Variants in TTC8 observed in about 807,000 individuals in gnomAD.
TTC8 encodes the protein tetratricopeptide repeat domain 8.
Under a neutral mutation model 72.5 loss-of-function variants are expected in TTC8, and 47 were observed. That is an observed-to-expected ratio of 0.65 (90% CI 0.51 to 0.83). TTC8 has a LOEUF of 0.83. Ranked by LOEUF, TTC8 falls within the 40% of genes least tolerant of loss-of-function variation. TTC8 has a pLI of 0.00. For synonymous variants in TTC8, 199 were observed against 221.4 expected (o/e 0.90, Z 0.90); for missense variants, 611 against 623.2 (o/e 0.98, Z 0.21).
At chr14:88,878,218 C>A (rs1238313215), downstream of TTC8, 1 of 152,114 alleles carries the variant, frequency 6.6e-6, no homozygotes, top group Admixed American at 6.6e-5. Context: ...TCTGGTCAGC[C>A]ACAGCACGGA....
intron 10 of TTC8, among the ~76,000 whole-genome samples, chr14:88,866,605 C>T (rs2094910896): frequency 6.6e-6 from 1 of 151,986 alleles, no homozygotes; most frequent in Admixed American, 6.6e-5. Flanking sequence ...TTGACTATAC[C>T]GCCCCCCTTT....
chr14:88,833,861 G>T, intron 2 of TTC8, 139 bp downstream of exon 2: 1 of 734,054 alleles, frequency 1.4e-6, no homozygotes. Flanking sequence ...GACATTCTGT[G>T]CCTTCTTATG....
At chr14:88,824,900 G>A in intron 1 of TTC8, 79 bp downstream of exon 1, 4 of 1,344,164 alleles carry the variant, frequency 3.0e-6, no homozygotes, top group Non-Finnish European at 4.2e-6. Context: ...CCCCGGGTTG[G>A]GAGGCCGGGG....
chr14:88,842,011 C>CA (rs2094784059), intron 6 of TTC8, among the ~76,000 whole-genome samples: 1 of 151,886 alleles, frequency 6.6e-6, no homozygotes, highest in African/African-American at 2.4e-5. Flanking sequence ...TATCACTACT[C>CA]AAAGATTAAA....
At chr14:88,846,493 G>C (rs1408779226) in intron 7 of TTC8, 3 of 581,448 alleles carry the variant, frequency 5.2e-6, no homozygotes, top group Admixed American at 3.2e-5. Context: ...GGCCAGTGTG[G>C]CTGAGTGAGG....
Position 88,869,985 on chromosome 14 carries a change from TAAATC to T in TTC8, c.910-72_910-68del, listed in dbSNP as rs879060552. ...TAAATACTTATTGAATGAATGGACTTAAATCAGTCAGAAAAAAATAATTTTTTGTC... is the reference window on the plus strand; with the variant it reads ...TAAATACTTATTGAATGAATGGACTTAGTCAGAAAAAAATAATTTTTTGTC... On this transcript the variant is annotated intron_variant, in intron 10 of 14. Transcript: ENST00000380656. 2.8e-5 allele frequency: 42 copies of T among 1,494,600 alleles called. 2 individuals carry two copies. Among genetic ancestry groups the T allele is most frequent in the South Asian group, 1.0e-4 (9 of 87,060 alleles). The allele number at this position is 1,494,600 out of a possible 1,614,324, so 92.6% of individuals were successfully genotyped here.
At chr14:88,839,371 A>T in intron 2 of TTC8, 81 bp from the exon 3 acceptor site, 2 of 1,432,426 alleles carry the variant, frequency 1.4e-6, no homozygotes, top group South Asian at 2.5e-5. Context: ...AATAACAACA[A>T]TGAAGGATGG....
intron 9 of TTC8, among the ~76,000 whole-genome samples, chr14:88,859,849 T>TAATC (rs2094875650): frequency 6.9e-6 from 1 of 144,182 alleles, no homozygotes; most frequent in East Asian, 2.0e-4. Flanking sequence ...ATAATATAAA[T>TAATC]ATATAATCAT....
rs766430565 is a variant in TTC8 at position 88,852,955 on chromosome 14, T to G, written c.625-16T>G. On this transcript the variant is annotated splice_polypyrimidine_tract_variant and intron_variant, in intron 7 of 14. Coordinates refer to ENST00000380656, the MANE Select transcript of TTC8 (RefSeq NM_144596.4). ...TAGAAAAGAAAATACTAATCTAAAA[T>G]GAATTGTTTTCAAAGGCTTTGGATC... 2 of 1,605,784 alleles carry G rather than the reference T, an allele frequency of 1.2e-6. No individual in the cohort carries two copies. Among genetic ancestry groups the G allele is most frequent in the South Asian group, 2.2e-5 (2 of 90,926 alleles).
chr14:88,834,509 T>C (rs962111476), intron 2 of TTC8, among the ~76,000 whole-genome samples: 1 of 152,056 alleles, frequency 6.6e-6, no homozygotes, highest in African/African-American at 2.4e-5. Context: ...TTATTAGGGG[T>C]CCATATGTGT....
chr14:88,866,417 A>ACG (rs1448523827), intron 10 of TTC8, among the ~76,000 whole-genome samples: 5 of 142,926 alleles, frequency 3.5e-5, no homozygotes, highest in African/African-American at 5.0e-5. Context: ...ACACACACGC[A>ACG]CACACAAATT....
intron 1 of TTC8, among the ~76,000 whole-genome samples, chr14:88,828,571 G>A (rs191968922): frequency 6.6e-6 from 1 of 152,278 alleles, no homozygotes; most frequent in Admixed American, 6.5e-5. Flanking sequence ...TCTTCTTAGT[G>A]CCAAATGGAT....
intron 10 of TTC8, among the ~76,000 whole-genome samples, chr14:88,869,182 T>A (rs1002351114): frequency 6.6e-6 from 1 of 152,208 alleles, no homozygotes; most frequent in Non-Finnish European, 1.5e-5. Flanking sequence ...GAAATCTTCA[T>A]GAAGGATGTG....
At chr14:88,859,207 A>T (rs527718425) in intron 9 of TTC8, among the ~76,000 whole-genome samples, 15 of 152,184 alleles carry the variant, frequency 9.9e-5, no homozygotes, top group Non-Finnish European at 1.5e-4. Context: ...TCACAATGAC[A>T]CATGCATGCA....
chr14:88,851,833 A>G (rs1219464281), intron 7 of TTC8, among the ~76,000 whole-genome samples: 1 of 152,078 alleles, frequency 6.6e-6, no homozygotes, highest in East Asian at 1.9e-4. Flanking sequence ...CCATTTCTTT[A>G]TAAGTAGTTT....
chr14:88,859,761 A>AAT (rs2094874970), intron 9 of TTC8, among the ~76,000 whole-genome samples: 1 of 142,304 alleles, frequency 7.0e-6, no homozygotes, highest in Non-Finnish European at 1.5e-5. Flanking sequence ...ATCTCTAAAA[A>AAT]ATATATATAC....
chr14:88,862,427 A>G (rs1465408795), intron 10 of TTC8, among the ~76,000 whole-genome samples: 1 of 149,250 alleles, frequency 6.7e-6, no homozygotes, highest in Non-Finnish European at 1.5e-5. Context: ...TAACATTGGT[A>G]TAAGAATGGA....
chr14:88,833,192 A>G (rs2094734354), intron 1 of TTC8, among the ~76,000 whole-genome samples: 1 of 152,040 alleles, frequency 6.6e-6, no homozygotes, highest in South Asian at 2.1e-4. Context: ...TGTTTTATAA[A>G]TAAATTTGTT....
intron 1 of TTC8, among the ~76,000 whole-genome samples, chr14:88,829,745 G>T (rs1279682490): frequency 6.6e-6 from 1 of 152,148 alleles, no homozygotes; most frequent in Non-Finnish European, 1.5e-5. Context: ...TATTGTAAAT[G>T]GTTTGAAGGA....
Sources: gnomAD v4.1 joint callset for allele counts (sites outside exome capture counted in the v4.1 genomes callset) on GRCh38, gnomAD v4.1.1 for gene constraint, MANE v1.5 for transcripts, NCBI Gene and HGNC (gene_info 2026-07-23, HGNC 2026-07-21) for gene names.